EWSR1: variants seen among roughly 807,000 people sequenced by gnomAD.
EWSR1 encodes the protein RNA-binding protein EWS.
Under a neutral mutation model 92.1 loss-of-function variants are expected in EWSR1, and 14 were observed. The ratio of observed to expected loss-of-function variants is 0.15; its 90% confidence interval spans 0.10 to 0.24. EWSR1 has a LOEUF of 0.24. Among genes scored for constraint, EWSR1 ranks in the 10% least tolerant of loss-of-function variants. The pLI is 1.00. For missense variants in EWSR1, 637 were observed against 870.9 expected (o/e 0.73, Z 3.38); for synonymous variants, 303 against 292.9 (o/e 1.03, Z -0.35).
intron 11 of EWSR1, 120 bp from the exon 12 acceptor site, chr22:29,296,119 G>A (rs16987371): frequency 2.6e-5 from 25 of 958,882 alleles, no homozygotes; most frequent in African/African-American, 1.7e-4. Flanking sequence ...GCGGAGAAAC[G>A]GTGACATTTA....
In EWSR1 at chr22:29,275,390, C is replaced by G. The variant is rs116277448; in HGVS notation, c.226+1526C>G. Among the ~76,000 whole-genome samples, 403 of 152,260 alleles carry G rather than the reference C, an allele frequency of 2.6e-3. 2 individuals carry two copies. The highest frequency in any genetic ancestry group is 8.6e-3 in the African/African-American group (357 of 41,548). Reference sequence around the variant, plus strand: ...TTGTCGTTGGTTGAGAAATCCCCATCATGACTGTGGGCCTAAAAAGTACAG... The same window carrying G: ...TTGTCGTTGGTTGAGAAATCCCCATGATGACTGTGGGCCTAAAAAGTACAG... On this transcript the variant is annotated intron_variant, in intron 4 of 16. Transcript: ENST00000397938.
In EWSR1 at chr22:29,296,376, G is replaced by A. The variant is rs1293862125; in HGVS notation, c.1294+8G>A. 28 of 1,613,522 alleles carry A rather than the reference G, an allele frequency of 1.7e-5. No homozygotes were observed. Among genetic ancestry groups the A allele is most frequent in the Non-Finnish European group, 2.3e-5 (27 of 1,179,782 alleles). ...CCGTGGAATGGTTTGATGGTGAGAT[G>A]TACTCACTGGCATTCTTAATCTCCC... is the stretch of plus-strand genomic sequence containing the variant. On this transcript the variant is annotated splice_region_variant and intron_variant, in intron 12 of 16. Transcript: ENST00000397938.
intron 6 of EWSR1, among the ~76,000 whole-genome samples, chr22:29,282,826 G>A (rs569571763): frequency 2.0e-5 from 3 of 148,414 alleles, no homozygotes; most frequent in Admixed American, 1.4e-4. Context: ...GCAGTGGCGC[G>A]ATCTCGGCTC....
chr22:29,299,105 C>T, intron 14 of EWSR1, 129 bp from the exon 15 acceptor site: 1 of 1,548,330 alleles, frequency 6.5e-7, no homozygotes, highest in Middle Eastern at 1.7e-4. Flanking sequence ...CTGCCTGAGG[C>T]TGTGCCCTAA....
chr22:29,284,293 C>T (rs2059851078), intron 6 of EWSR1, among the ~76,000 whole-genome samples: 1 of 151,424 alleles, frequency 6.6e-6, no homozygotes, highest in African/African-American at 2.5e-5. Flanking sequence ...GTTTTCTTAA[C>T]CCATGTTTAA....
rs145953477 is a variant in EWSR1 at position 29,300,123 on chromosome 22, G to A, written c.1933G>A (p.Gly645Ser). The A allele has an allele frequency of 4.9e-5, 78 of 1,603,842 alleles. No individual in the cohort carries two copies. In the African/African-American group the frequency reaches 1.0e-3, roughly 21 times the overall value. Residue 645 changes from glycine to serine, a missense_variant and splice_region_variant, in exon 17 of 17, where the codon GGC becomes AGC. Around this residue, in one of 5 missense-constraint regions of EWSR1, gnomAD observed 363 missense variants for 447.8 expected, o/e 0.81. Coordinates refer to ENST00000397938, the MANE Select transcript of EWSR1 (RefSeq NM_005243.4). ...GRGGPGKMDK[G>S]EHRQERRDRP... ...CGAAGGGCCCTCTTTACCTTGCAGAGGCGAGCACCGTCAGGAGCGCAGAGA... is the reference window on the plus strand; with the variant it reads ...CGAAGGGCCCTCTTTACCTTGCAGAAGCGAGCACCGTCAGGAGCGCAGAGA...
intron 6 of EWSR1, among the ~76,000 whole-genome samples, chr22:29,284,176 G>T (rs1011892028): frequency 2.0e-5 from 3 of 151,270 alleles, no homozygotes; most frequent in Admixed American, 1.3e-4. Context: ...CACAATGTTG[G>T]CCAGGCTGGT....
intron 4 of EWSR1, chr22:29,275,929 T>G (rs986571280): frequency 1.9e-4 from 38 of 199,826 alleles, no homozygotes; most frequent in Non-Finnish European, 3.0e-4. Context: ...GTTTTTTTGT[T>G]TTTTTGTTTT....
In EWSR1 at chr22:29,299,817, A is replaced by G. The variant is rs1289679097; in HGVS notation, c.1897A>G (p.Arg633Gly). The G allele has an allele frequency of 1.7e-5, 26 of 1,566,318 alleles. No individual in the cohort carries two copies. The highest frequency in any genetic ancestry group is 2.2e-5 in the Non-Finnish European group (25 of 1,154,022). ...TTTGATGGAACAGATGGGAGGAAGA[A>G]GAGGAGGACGTGGAGGACCTGGAAA... ...GPLMEQMGGRRGGRGGPGKMD... is the reference protein window; with the variant it reads ...GPLMEQMGGRGGGRGGPGKMD... Residue 633 changes from arginine (R) to glycine (G), a missense_variant, in exon 16 of 17, where the codon AGA becomes GGA. Physicochemically the swap from Arg to Gly is moderately radical, Grantham distance 125. This residue lies in a region of EWSR1 where 363 missense variants were observed against 447.8 expected (regional missense o/e 0.81). Transcript: ENST00000397938.
At chr22:29,270,664 C>T (rs926460755) in intron 1 of EWSR1, among the ~76,000 whole-genome samples, 1 of 152,168 alleles carries the variant, frequency 6.6e-6, no homozygotes, top group Non-Finnish European at 1.5e-5. Flanking sequence ...GCGTAAAAGT[C>T]GTCTTGCAAA....
chr22:29,298,974 T>C (rs1401067018), intron 14 of EWSR1, 79 bp downstream of exon 14: 2 of 1,421,198 alleles, frequency 1.4e-6, no homozygotes, highest in African/African-American at 2.9e-5. Context: ...CTAGAGTGGA[T>C]TGCTCTGTCT....
intron 11 of EWSR1, chr22:29,295,517 T>C: frequency 4.7e-6 from 1 of 214,970 alleles, no homozygotes; most frequent in East Asian, 7.0e-5. Flanking sequence ...TTGCCATATT[T>C]TCTTTTCAGT....
At chr22:29,275,656 C>A (rs992294112) in intron 4 of EWSR1, 2 of 229,274 alleles carry the variant, frequency 8.7e-6, no homozygotes, top group African/African-American at 2.2e-5. Flanking sequence ...TTTTTCCTTA[C>A]CTCATACTGC....
At position 29,292,676 on chromosome 22, in the gene EWSR1, G is replaced by T; in HGVS notation, c.1164+70G>T. The T allele has an allele frequency of 4.1e-6, 4 of 970,588 alleles. No individual in the cohort carries two copies. In the South Asian group the frequency reaches 5.0e-5, roughly 12 times the overall value. 60.1% of individuals were successfully genotyped at this position (970,588 alleles called of 1,614,324 possible). A position where few individuals can be genotyped will look rare whatever the true frequency, so the allele number is the denominator to read the frequency against. ...CAGAGCATTTTAAAGAGATTGAATT[G>T]ATGTTGAGAGTTGTTTTCTAAGGTT... On this transcript the variant is annotated intron_variant, in intron 11 of 16. Coordinates refer to ENST00000397938, the MANE Select transcript of EWSR1 (RefSeq NM_005243.4).
At chr22:29,270,264 A>G (rs1276332060) in intron 1 of EWSR1, among the ~76,000 whole-genome samples, 1 of 152,174 alleles carries the variant, frequency 6.6e-6, no homozygotes, top group Non-Finnish European at 1.5e-5. Flanking sequence ...TACGTAAAGC[A>G]TATATATCCA....
intron 5 of EWSR1, among the ~76,000 whole-genome samples, chr22:29,281,961 G>C (rs1381190375): frequency 6.6e-6 from 1 of 152,142 alleles, no homozygotes; most frequent in Non-Finnish European, 1.5e-5. Flanking sequence ...ATGGACTTAC[G>C]TAAATGTTAC....
chr22:29,282,546 C>T lies in EWSR1; in HGVS notation c.570C>T (p.Tyr190=), dbSNP rs200828715. 6.1e-5 allele frequency: 93 copies of T among 1,520,322 alleles called. No individual in the cohort carries two copies. Among genetic ancestry groups the T allele is most frequent in the Non-Finnish European group, 7.4e-5 (84 of 1,140,486 alleles). The allele number at this position is 1,520,322 out of a possible 1,614,324, so 94.2% of individuals were successfully genotyped here. The change falls in exon 6 of 17, where the codon TAC becomes TAT. Residue 190 remains tyrosine, a synonymous_variant. Coordinates refer to ENST00000397938, the MANE Select transcript of EWSR1 (RefSeq NM_005243.4). The part of the protein sequence containing the change: ...PMQPVTAPPS[Y]PPTSYSSTQP... ...AGCCAGTCACTGCACCTCCATCCTA[C>T]CCTCCTACCAGGTCAGTCTACTTTT...
chr22:29,290,396 G>A (rs778009418), intron 8 of EWSR1: 2 of 1,593,800 alleles, frequency 1.3e-6, no homozygotes, highest in Admixed American at 3.6e-5. Context: ...ATGCTTTGTC[G>A]CATTTATATG....
Position 29,273,724 on chromosome 22 carries a change from G to GTT in EWSR1, c.103-9_103-8dup, listed in dbSNP as rs553148334. The GTT allele has an allele frequency of 2.8e-5, 43 of 1,546,050 alleles. No individual in the cohort carries two copies. Among genetic ancestry groups the GTT allele is most frequent in the South Asian group, 3.6e-5 (3 of 83,268 alleles). ...GTTCATGTATGAAGTTCTTGCATTC[G>GTT]TTTTTTTTTGGAGCAGGCATATGGG... On this transcript the variant is annotated splice_polypyrimidine_tract_variant and intron_variant, in intron 3 of 16. Transcript: ENST00000397938.
Sources: gnomAD v4.1 joint callset for allele counts (sites outside exome capture counted in the v4.1 genomes callset) on GRCh38, gnomAD v4.1.1 for gene constraint, gnomAD v4.1.1 regional missense constraint, MANE v1.5 for transcripts, NCBI Gene and HGNC (gene_info 2026-07-23, HGNC 2026-07-21) for gene names.